PTGER3: variants seen among roughly 807,000 people sequenced by gnomAD.
PTGER3 encodes prostaglandin E2 receptor EP3 subtype.
PTGER3 carries 22 observed loss-of-function variants against 34.7 expected under a neutral mutation model. The ratio of observed to expected loss-of-function variants is 0.63; its 90% CI spans 0.45 to 0.91. The LOEUF is 0.91. Ranked by LOEUF, PTGER3 falls within the 40% of genes least tolerant of loss-of-function variation. The pLI, the probability that PTGER3 is intolerant of heterozygous loss-of-function variation, is 0.00. For missense variants in PTGER3, 468 were observed against 519.4 expected (o/e 0.90, Z 0.96); for synonymous variants, 241 against 230.1 (o/e 1.05, Z -0.43).
intron 4 of PTGER3, among the ~76,000 whole-genome samples, chr1:70,894,036 G>A (rs1000653688): frequency 6.6e-5 from 10 of 152,150 alleles, no homozygotes; most frequent in Admixed American, 5.9e-4. Context: ...GGTGGGACAT[G>A]GTGGCTCACG....
chr1:70,900,217 G>A (rs1363903740), intron 4 of PTGER3, among the ~76,000 whole-genome samples: 2 of 151,908 alleles, frequency 1.3e-5, no homozygotes, highest in South Asian at 2.1e-4. Context: ...TCTTAAAGAC[G>A]ACTGCCCCTA....
intron 4 of PTGER3, among the ~76,000 whole-genome samples, chr1:70,946,035 C>T (rs78399253): frequency 0.017 from 2,644 of 152,120 alleles, 72 homozygotes; most frequent in African/African-American, 0.06. Context: ...TGACTTCCAT[C>T]GAAACGGTAG....
intron 4 of PTGER3, among the ~76,000 whole-genome samples, chr1:70,917,809 A>C (rs78429198): frequency 6.6e-6 from 1 of 151,958 alleles, no homozygotes; most frequent in Non-Finnish European, 1.5e-5. Context: ...GTAAAGTTGA[A>C]TATTTTTACA....
At chr1:71,031,891 A>C (rs1659444183) in intron 1 of PTGER3, among the ~76,000 whole-genome samples, 1 of 152,238 alleles carries the variant, frequency 6.6e-6, no homozygotes, top group South Asian at 2.1e-4. Context: ...AAATTTAATT[A>C]GAAATAGATG....
chr1:70,894,522 T>A (rs1245403537), intron 4 of PTGER3, among the ~76,000 whole-genome samples: 4 of 152,128 alleles, frequency 2.6e-5, no homozygotes, highest in African/African-American at 9.7e-5. Context: ...GCGTATTTGG[T>A]TTTCTTCTAC....
At chr1:70,907,219 AG>A (rs1259300380) in intron 4 of PTGER3, among the ~76,000 whole-genome samples, 1 of 152,240 alleles carries the variant, frequency 6.6e-6, no homozygotes, top group Non-Finnish European at 1.5e-5. Flanking sequence ...AAGGCATTTC[AG>A]GGTCCAAACT....
intron 2 of PTGER3, among the ~76,000 whole-genome samples, chr1:70,954,155 A>G (rs1651071974): frequency 6.6e-6 from 1 of 152,172 alleles, no homozygotes; most frequent in South Asian, 2.1e-4. Flanking sequence ...CTGCATTTTA[A>G]CAGGAATTAA....
chr1:71,005,466 G>C (rs536984421), intron 2 of PTGER3, among the ~76,000 whole-genome samples: 3 of 152,098 alleles, frequency 2.0e-5, no homozygotes, highest in Non-Finnish European at 4.4e-5. Context: ...TTAGCATCAC[G>C]TTTCCATGTA....
rs939381333 is a variant in PTGER3 at position 70,971,825 on chromosome 1, A to G, written c.1170-92T>C. The G allele has an allele frequency of 8.4e-6, 7 of 833,614 alleles. No homozygotes were observed. In the African/African-American group the frequency reaches 1.1e-4, roughly 13 times the overall value. The allele number at this position is 833,614 out of a possible 1,614,324, so 51.6% of individuals were successfully genotyped here. A position where few individuals can be genotyped will look rare whatever the true frequency, so the allele number is the denominator to read the frequency against. On this transcript the variant is annotated intron_variant, in intron 3 of 3. Transcript: ENST00000306666. ...ATGGTGTGAGGAGTAAAATATAAGT[A>G]ATAAATTTGTTTGCTTTAAACGTTT...
chr1:70,988,946 G>C (rs1461505938), intron 2 of PTGER3, among the ~76,000 whole-genome samples: 1 of 152,056 alleles, frequency 6.6e-6, no homozygotes, highest in African/African-American at 2.4e-5. Context: ...AGTCACCAAG[G>C]CTTTGGGAGT....
chr1:70,903,098 G>A (rs562637263), intron 4 of PTGER3, among the ~76,000 whole-genome samples: 5 of 152,272 alleles, frequency 3.3e-5, no homozygotes, highest in Middle Eastern at 3.4e-3. Flanking sequence ...CAGACACAGA[G>A]GGGAAGGTGT....
Position 70,971,611 on chromosome 1 carries a change from A to G in PTGER3, c.*119T>C, listed in dbSNP as rs983427729. 1.4e-6 allele frequency: 2 copies of G among 1,385,162 alleles called. No individual in the cohort carries two copies. The highest frequency in any genetic ancestry group is 3.0e-5 in the African/African-American group (2 of 66,132). 85.8% of individuals were successfully genotyped at this position (1,385,162 alleles called of 1,614,324 possible). ...CTGACAAAACAATCATTAAAATAAA[A>G]AGATAAAAATGAAGAAATAATCCAA... On this transcript the variant is annotated 3_prime_UTR_variant, in exon 4 of 4. Transcript: ENST00000306666.
chr1:70,867,225 G>A (rs1412052552), intron 4 of PTGER3, among the ~76,000 whole-genome samples: 1 of 152,172 alleles, frequency 6.6e-6, no homozygotes, highest in African/African-American at 2.4e-5. Context: ...TTATCTACTT[G>A]ATAAAGAGTT....
At chr1:71,024,645 C>CTTTTTTTTTTTT (rs35271200) in intron 1 of PTGER3, among the ~76,000 whole-genome samples, 6 of 117,156 alleles carry the variant, frequency 5.1e-5, no homozygotes, top group African/African-American at 1.4e-4. Context: ...CCTTTTCTTT[C>CTTTTTTTTTTTT]TTTTTTTTTT....
downstream of PTGER3, among the ~76,000 whole-genome samples, chr1:70,948,123 A>C (rs1257171081): frequency 6.6e-6 from 1 of 152,096 alleles, no homozygotes; most frequent in Non-Finnish European, 1.5e-5. Flanking sequence ...ATATAAAACC[A>C]ATGCTCTGCA....
At chr1:70,884,898 G>A (rs763992290) in intron 4 of PTGER3, among the ~76,000 whole-genome samples, 11 of 152,074 alleles carry the variant, frequency 7.2e-5, no homozygotes, top group Non-Finnish European at 7.4e-5. Context: ...ACTCCATCAC[G>A]TTCCTAGATT....
At chr1:70,973,319 TGAGTTGAGTAA>T (rs747110727) in intron 3 of PTGER3, among the ~76,000 whole-genome samples, 121 of 152,058 alleles carry the variant, frequency 8.0e-4, no homozygotes, top group Non-Finnish European at 1.6e-3. Context: ...ATTATAAATG[TGAGTTGAGTAA>T]AAATTGTATT....
rs369041323 is a variant in PTGER3 at position 70,909,664 on chromosome 1, A to G, written c.*23+44099T>C. On this transcript the variant is annotated intron_variant, in intron 4 of 4. Transcript: ENST00000370931. ...ATGAGGCTAGGAAGGTTGAGATAAG[A>G]TAATTTGTAGATACAGTGTCTCCCA... 7.9e-5 allele frequency among the ~76,000 whole-genome samples: 12 copies of G among 152,308 alleles called. No individual in the cohort carries two copies. In the East Asian group the frequency reaches 2.3e-3, roughly 29 times the overall value.
At chr1:70,894,994 G>C (rs1646695474) in intron 4 of PTGER3, among the ~76,000 whole-genome samples, 2 of 152,102 alleles carry the variant, frequency 1.3e-5, no homozygotes, top group Admixed American at 6.5e-5. Flanking sequence ...TGAGTGGTGG[G>C]CTGTTTGATG....
Sources: allele counts gnomAD v4.1 joint callset (sites outside exome capture counted in the v4.1 genomes callset), GRCh38; gene constraint gnomAD v4.1.1; transcripts MANE v1.5; gene names NCBI Gene and HGNC (gene_info 2026-07-23, HGNC 2026-07-21).